The following RORA variants were observed in gnomAD, a reference collection of about 807,000 sequenced individuals.
RORA encodes RAR related orphan receptor A.
In RORA, 7 loss-of-function variants were observed where a neutral mutation model predicts 69.5. That is an observed-to-expected ratio of 0.10 (90% CI 0.06 to 0.19). The LOEUF (loss-of-function observed/expected upper bound fraction) is 0.19, where lower values mean the gene tolerates loss of function less well. Ranked by LOEUF, RORA falls within the 10% of genes least tolerant of loss-of-function variation. RORA has a pLI of 1.00. For missense variants in RORA, 457 were observed against 663.0 expected, an observed-to-expected ratio of 0.69 and a Z score of 3.41; for synonymous variants, 261 against 240.8, an observed-to-expected ratio of 1.08 and a Z score of -0.78.
At chr15:61,081,807 C>CAA (rs59591650) in intron 1 of RORA, among the ~76,000 whole-genome samples, 1,216 of 105,604 alleles carry the variant, frequency 0.012, 15 homozygotes, top group African/African-American at 0.032. Flanking sequence ...GACTCTGTCT[C>CAA]AAAAAAAAAA....
chr15:61,122,935 A>G (rs912432670), intron 1 of RORA, among the ~76,000 whole-genome samples: 6 of 152,196 alleles, frequency 3.9e-5, no homozygotes, highest in African/African-American at 9.7e-5. Context: ...ACAAAAGGCT[A>G]AGGATGTTTG....
chr15:61,164,967 T>C (rs777240084), intron 1 of RORA, among the ~76,000 whole-genome samples: 23 of 152,122 alleles, frequency 1.5e-4, no homozygotes, highest in Non-Finnish European at 2.4e-4. Flanking sequence ...TCGGCAGCTT[T>C]ACCCAAAGCA....
chr15:61,011,686 G>A (rs1197479291), intron 1 of RORA, among the ~76,000 whole-genome samples: 1 of 152,116 alleles, frequency 6.6e-6, no homozygotes, highest in African/African-American at 2.4e-5. Flanking sequence ...AATTACTCTA[G>A]GCATTGCTGG....
At chr15:60,648,866 A>G (rs574147987) in intron 2 of RORA, among the ~76,000 whole-genome samples, 2 of 152,268 alleles carry the variant, frequency 1.3e-5, no homozygotes, top group African/African-American at 4.8e-5. Context: ...AATATATAGA[A>G]GATGGTAAAG....
intron 1 of RORA, among the ~76,000 whole-genome samples, chr15:61,001,836 ACT>A (rs1342375664): frequency 1.3e-5 from 2 of 152,218 alleles, no homozygotes; most frequent in Non-Finnish European, 2.9e-5. Flanking sequence ...GGAAAAAAGA[ACT>A]CTCTGAGGAA....
At chr15:60,691,118 G>A (rs1377680934) in intron 1 of RORA, among the ~76,000 whole-genome samples, 9 of 151,950 alleles carry the variant, frequency 5.9e-5, no homozygotes, top group Admixed American at 5.2e-4. Context: ...CATCCTTTCT[G>A]TTTGTAGTTC....
chr15:61,175,711 A>G (rs1182333282), intron 1 of RORA, among the ~76,000 whole-genome samples: 1 of 152,086 alleles, frequency 6.6e-6, no homozygotes, highest in African/African-American at 2.4e-5. Context: ...AGCAAAACCC[A>G]GTCTCGAATA....
chr15:61,135,685 C>T (rs1246145089), intron 1 of RORA, among the ~76,000 whole-genome samples: 1 of 151,516 alleles, frequency 6.6e-6, no homozygotes, highest in East Asian at 1.9e-4. Flanking sequence ...TTGCCGGGTA[C>T]CAGGGAAGCA....
chr15:60,827,652 G>A (rs2072984011), intron 1 of RORA, among the ~76,000 whole-genome samples: 1 of 152,182 alleles, frequency 6.6e-6, no homozygotes, highest in Non-Finnish European at 1.5e-5. Flanking sequence ...GGCGGGTGTT[G>A]GAGCTGCCTC....
chr15:60,509,783 TC>T (rs2141309607), intron 5 of RORA, among the ~76,000 whole-genome samples: 1 of 113,990 alleles, frequency 8.8e-6, no homozygotes, highest in Admixed American at 1.1e-4. Context: ...AGGTTTTTGT[TC>T]TAGTTCAAGA....
chr15:60,762,120 C>T (rs1281731500), intron 1 of RORA, among the ~76,000 whole-genome samples: 1 of 152,130 alleles, frequency 6.6e-6, no homozygotes, highest in African/African-American at 2.4e-5. Context: ...GAAAAAGAAG[C>T]ATCTAGAATA....
chr15:60,719,072 A>G (rs2414680), intron 1 of RORA, among the ~76,000 whole-genome samples: 42,576 of 91,224 alleles, frequency 0.47, 6,588 homozygotes, highest in East Asian at 0.74. Context: ...TTTCTAGTTA[A>G]AGATGCAAAA....
At chr15:61,195,273 A>T (rs995463321) in intron 1 of RORA, among the ~76,000 whole-genome samples, 21 of 152,088 alleles carry the variant, frequency 1.4e-4, no homozygotes, top group African/African-American at 4.8e-4. Context: ...GTTATGCATT[A>T]AACAAGATTC....
chr15:60,961,775 TTGA>T (rs145410828), intron 1 of RORA, among the ~76,000 whole-genome samples: 7 of 152,322 alleles, frequency 4.6e-5, no homozygotes, highest in African/African-American at 1.7e-4. Flanking sequence ...ACATGCTAAC[TTGA>T]TGGGCAGTGT....
chr15:60,738,037 G>A (rs2071525598), intron 1 of RORA, among the ~76,000 whole-genome samples: 1 of 152,198 alleles, frequency 6.6e-6, no homozygotes, highest in Admixed American at 6.5e-5. Context: ...AATGGGAAGA[G>A]ACGCTTGAAA....
Position 60,502,273 on chromosome 15 carries a change from C to T in RORA, c.1183+487G>A, listed in dbSNP as rs972934795. 3.9e-5 allele frequency among the ~76,000 whole-genome samples: 6 copies of T among 152,208 alleles called. No homozygotes were observed. The South Asian group carries it at 1.0e-3, about 26-fold the overall frequency. On this transcript the variant is annotated intron_variant, in intron 8 of 10. Coordinates refer to ENST00000335670, the MANE Select transcript of RORA (RefSeq NM_134261.3). Reference sequence around the variant, plus strand: ...GCTATTACAGGCATGAGTCACCGCACCTGGCCCCAAATTATTTATTATAAA... The same window carrying T: ...GCTATTACAGGCATGAGTCACCGCATCTGGCCCCAAATTATTTATTATAAA...
At chr15:61,191,377 A>G (rs995233460) in intron 1 of RORA, among the ~76,000 whole-genome samples, 9 of 152,098 alleles carry the variant, frequency 5.9e-5, no homozygotes, top group African/African-American at 1.9e-4. Context: ...AAAAAAAAAA[A>G]AAAAGAAAGA....
intron 1 of RORA, among the ~76,000 whole-genome samples, chr15:61,222,578 A>G (rs1376272051): frequency 1.3e-5 from 2 of 152,192 alleles, no homozygotes; most frequent in Non-Finnish European, 2.9e-5. Context: ...AGAAATAATA[A>G]TAACTGGGCT....
At chr15:61,223,876 T>A (rs1452024236) in intron 1 of RORA, among the ~76,000 whole-genome samples, 2 of 152,204 alleles carry the variant, frequency 1.3e-5, no homozygotes, top group Non-Finnish European at 2.9e-5. Context: ...ACTTAAACAC[T>A]GATTCTCAGG....
Sources: gnomAD v4.1 joint callset for allele counts (sites outside exome capture counted in the v4.1 genomes callset) on GRCh38, gnomAD v4.1.1 for gene constraint, MANE v1.5 for transcripts, NCBI Gene and HGNC (gene_info 2026-07-23, HGNC 2026-07-21) for gene names.